RALGAPA2: variants seen among roughly 807,000 people sequenced by gnomAD.
RALGAPA2 encodes ral GTPase-activating protein subunit alpha-2.
A neutral mutation model predicts 230.4 loss-of-function variants in RALGAPA2; 139 were observed. The ratio of observed to expected loss-of-function variants is 0.60; its 90% CI spans 0.53 to 0.69. The LOEUF is 0.69. Among genes scored for constraint, RALGAPA2 ranks in the 30% least tolerant of loss-of-function variants. The pLI is 0.00. For missense variants in RALGAPA2, 2,163 were observed against 2,276.0 expected, an observed-to-expected ratio of 0.95 and a Z score of 1.01; for synonymous variants, 847 against 837.8, an observed-to-expected ratio of 1.01 and a Z score of -0.19.
In RALGAPA2 at chr20:20,589,317, G is replaced by A. The variant is rs2065220240; in HGVS notation, c.2390C>T (p.Pro797Leu). ...TQNSSSSEPQ[P>L]IQENKGHVKR... ...CACATGTCCTTTATTCTCTTGAATA[G>A]GCTGAGGCTCTGAAGAACTCGAATT... Residue 797 changes from proline to leucine, a missense_variant, in exon 18 of 40, where the codon CCT becomes CTT. Coordinates refer to ENST00000202677, the MANE Select transcript of RALGAPA2 (RefSeq NM_020343.4). The A allele has an allele frequency of 6.3e-7, 1 of 1,591,774 alleles. No homozygotes were observed. Among genetic ancestry groups the A allele is most frequent in the Non-Finnish European group, 8.6e-7 (1 of 1,167,542 alleles).
chr20:20,691,453 G>T (rs900390963), intron 1 of RALGAPA2, among the ~76,000 whole-genome samples: 4 of 151,866 alleles, frequency 2.6e-5, no homozygotes, highest in African/African-American at 9.7e-5. Context: ...GGGATACAAA[G>T]GATTTTTTAC....
At chr20:20,587,416 T>C (rs1602954995) in intron 18 of RALGAPA2, among the ~76,000 whole-genome samples, 1 of 151,886 alleles carries the variant, frequency 6.6e-6, no homozygotes, top group Non-Finnish European at 1.5e-5. Flanking sequence ...TTCAGATCAA[T>C]AAAGAAAAAT....
At chr20:20,618,989 T>A (rs1374688801) in intron 12 of RALGAPA2, among the ~76,000 whole-genome samples, 3 of 152,200 alleles carry the variant, frequency 2.0e-5, no homozygotes, top group Non-Finnish European at 4.4e-5. Context: ...ATTTAAAGAT[T>A]TAAATATCAG....
chr20:20,397,948 G>A (rs530168606), intron 38 of RALGAPA2, among the ~76,000 whole-genome samples: 1 of 152,272 alleles, frequency 6.6e-6, no homozygotes, highest in South Asian at 2.1e-4. Flanking sequence ...TCCACACCTG[G>A]TTGTGCTCTT....
chr20:20,633,550 C>T (rs907553271), intron 9 of RALGAPA2, among the ~76,000 whole-genome samples: 7 of 152,170 alleles, frequency 4.6e-5, no homozygotes, highest in Non-Finnish European at 7.3e-5. Context: ...TGCAGTGGCG[C>T]GATCTCCGCT....
chr20:20,573,326 CA>C (rs935807289), intron 20 of RALGAPA2, among the ~76,000 whole-genome samples: 30 of 152,102 alleles, frequency 2.0e-4, no homozygotes, highest in South Asian at 8.3e-4. Flanking sequence ...TTTTATAGAT[CA>C]GGGGAGAGGA....
intron 37 of RALGAPA2, among the ~76,000 whole-genome samples, chr20:20,445,668 T>C (rs1433007153): frequency 6.6e-6 from 1 of 152,224 alleles, no homozygotes; most frequent in Admixed American, 6.5e-5. Flanking sequence ...AGTACTTTCC[T>C]CTCAATGCCA....
At chr20:20,479,420 T>C (rs1412519641) in intron 36 of RALGAPA2, among the ~76,000 whole-genome samples, 3 of 152,174 alleles carry the variant, frequency 2.0e-5, no homozygotes, top group Non-Finnish European at 4.4e-5. Flanking sequence ...AATTCCATAA[T>C]GTGCAAAAAT....
At chr20:20,585,513 C>T (rs1370719172) in intron 18 of RALGAPA2, among the ~76,000 whole-genome samples, 1 of 152,126 alleles carries the variant, frequency 6.6e-6, no homozygotes, top group Non-Finnish European at 1.5e-5. Flanking sequence ...AGAGACAAAA[C>T]ATACACAAAT....
chr20:20,511,187 T>A, intron 33 of RALGAPA2, 67 bp downstream of exon 33: 1 of 1,535,370 alleles, frequency 6.5e-7, no homozygotes, highest in Non-Finnish European at 8.7e-7. Flanking sequence ...TTCCTGCTGT[T>A]GTATCTGTTA....
At chr20:20,610,450 A>C (rs1470799734) in intron 14 of RALGAPA2, among the ~76,000 whole-genome samples, 4 of 152,176 alleles carry the variant, frequency 2.6e-5, no homozygotes, top group African/African-American at 7.2e-5. Context: ...CAAGAAGCAC[A>C]GGCATCTCTT....
At position 20,680,763 on chromosome 20, in the gene RALGAPA2, T is replaced by C. The variant is rs769096942; in HGVS notation, c.145A>G (p.Thr49Ala). ...DANDLKQFFE[T>A]NYSQIYFIFY... ...ATGAAATATATCTGAGAATAGTTGGTCTCAAAAAACTGCTTAAGATCATTT... is the reference window on the plus strand; with the variant it reads ...ATGAAATATATCTGAGAATAGTTGGCCTCAAAAAACTGCTTAAGATCATTT... Residue 49 changes from threonine to alanine, a missense_variant, in exon 2 of 40, where the codon ACC becomes GCC. Thr to Ala is a moderately conservative substitution (Grantham distance 58). Transcript: ENST00000202677. 1.3e-6 allele frequency: 2 copies of C among 1,588,506 alleles called. No individual in the cohort carries two copies. The highest frequency in any genetic ancestry group is 1.7e-6 in the Non-Finnish European group (2 of 1,171,234).
intron 31 of RALGAPA2, among the ~76,000 whole-genome samples, chr20:20,517,816 T>TAA (rs200028814): frequency 0.017 from 2,208 of 130,550 alleles, 77 homozygotes; most frequent in East Asian, 0.15. Context: ...AAAAAGAAAT[T>TAA]AAAAAAAAAA....
chr20:20,636,417 A>G (rs1294053878), intron 8 of RALGAPA2, among the ~76,000 whole-genome samples: 1 of 152,228 alleles, frequency 6.6e-6, no homozygotes, highest in Non-Finnish European at 1.5e-5. Context: ...TACATATAAA[A>G]TCAGAAACAA....
At chr20:20,646,083 C>A (rs2067206854) in intron 4 of RALGAPA2, among the ~76,000 whole-genome samples, 2 of 150,072 alleles carry the variant, frequency 1.3e-5, no homozygotes, top group Non-Finnish European at 3.0e-5. Flanking sequence ...GAGATGGGGT[C>A]TCACTCTGTA....
chr20:20,514,536 G>T (rs1471031256), intron 31 of RALGAPA2, among the ~76,000 whole-genome samples: 5 of 152,048 alleles, frequency 3.3e-5, no homozygotes, highest in African/African-American at 9.7e-5. Context: ...ACCCAGATTG[G>T]TGGCCTGAGC....
intron 4 of RALGAPA2, among the ~76,000 whole-genome samples, chr20:20,651,143 T>C (rs1334009788): frequency 6.6e-6 from 1 of 152,226 alleles, no homozygotes; most frequent in East Asian, 1.9e-4. Context: ...TGTCTTGATG[T>C]TCTAATTTAT....
At chr20:20,615,957 A>T in intron 13 of RALGAPA2, 86 bp downstream of exon 13, 1 of 1,084,220 alleles carries the variant, frequency 9.2e-7, no homozygotes, top group Non-Finnish European at 1.2e-6. Flanking sequence ...TAAAAACATT[A>T]AATAAATGCA....
At chr20:20,636,166 C>T (rs1189163939) in intron 8 of RALGAPA2, among the ~76,000 whole-genome samples, 1 of 152,124 alleles carries the variant, frequency 6.6e-6, no homozygotes, top group East Asian at 1.9e-4. Context: ...ACCTTTGAGG[C>T]ATCAAATGCT....
Sources: allele counts gnomAD v4.1 joint callset (sites outside exome capture counted in the v4.1 genomes callset), GRCh38; gene constraint gnomAD v4.1.1; transcripts MANE v1.5; gene names NCBI Gene and HGNC (gene_info 2026-07-23, HGNC 2026-07-21).